The following HDAC9 variants were observed in gnomAD, a reference collection of about 807,000 sequenced individuals.
The protein encoded by HDAC9 is histone deacetylase 9, also known as MEF-2 interacting transcription repressor (MITR) protein.
A neutral mutation model predicts 139.4 loss-of-function variants in HDAC9; 41 were observed. The ratio of observed to expected loss-of-function variants is 0.29; its 90% CI spans 0.23 to 0.38. The LOEUF (loss-of-function observed/expected upper bound fraction) is 0.38, where lower values mean the gene tolerates loss of function less well. HDAC9 is among the 10% of genes least tolerant of loss of function. The probability of loss-of-function intolerance (pLI) is 1.00; values close to 1 mark genes in which losing one functional copy is unlikely to be tolerated. For missense variants in HDAC9, 1,147 were observed against 1,297.0 expected (o/e 0.88, Z 1.78); for synonymous variants, 517 against 476.2 (o/e 1.09, Z -1.12).
intron 2 of HDAC9, among the ~76,000 whole-genome samples, chr7:18,193,552 G>A (rs1790509621): frequency 6.6e-6 from 1 of 152,104 alleles, no homozygotes; most frequent in East Asian, 1.9e-4. Flanking sequence ...ATGCTACTTG[G>A]AAATCTGTTA....
At chr7:18,624,456 G>GCA (rs1366636687) in intron 6 of HDAC9, among the ~76,000 whole-genome samples, 2 of 152,140 alleles carry the variant, frequency 1.3e-5, no homozygotes, top group Non-Finnish European at 2.9e-5. Context: ...ATTCAGATGA[G>GCA]CACACACACT....
chr7:18,222,224 A>G (rs924993558), intron 2 of HDAC9, among the ~76,000 whole-genome samples: 1 of 152,192 alleles, frequency 6.6e-6, no homozygotes, highest in Non-Finnish European at 1.5e-5. Flanking sequence ...ACTAATGGAA[A>G]TGTTACTTGC....
At chr7:18,979,839 T>C (rs765300572) in intron 25 of HDAC9, among the ~76,000 whole-genome samples, 1 of 152,132 alleles carries the variant, frequency 6.6e-6, no homozygotes, top group Non-Finnish European at 1.5e-5. Flanking sequence ...AGCTTACTTA[T>C]CACCATGGAG....
intron 25 of HDAC9, among the ~76,000 whole-genome samples, chr7:18,978,562 C>T (rs775872224): frequency 1.3e-5 from 2 of 151,658 alleles, no homozygotes; most frequent in Non-Finnish European, 2.9e-5. Context: ...AAGACTTGAT[C>T]AAAAAAATGA....
intron 1 of HDAC9, among the ~76,000 whole-genome samples, chr7:18,385,534 G>T (rs1478570291): frequency 6.6e-6 from 1 of 152,096 alleles, no homozygotes; most frequent in Non-Finnish European, 1.5e-5. Context: ...CTGTGGTAGG[G>T]TCTTTCCCTT....
intron 2 of HDAC9, among the ~76,000 whole-genome samples, chr7:18,169,999 G>T (rs1194873251): frequency 6.6e-6 from 1 of 152,156 alleles, no homozygotes; most frequent in Non-Finnish European, 1.5e-5. Context: ...TGGGTCAAAT[G>T]GTACTTCTAG....
intron 12 of HDAC9, among the ~76,000 whole-genome samples, chr7:18,694,392 A>G (rs762768587): frequency 2.6e-5 from 4 of 152,166 alleles, no homozygotes; most frequent in Non-Finnish European, 2.9e-5. Flanking sequence ...TCAAGGAGCT[A>G]TCTCATTTTC....
intron 1 of HDAC9, among the ~76,000 whole-genome samples, chr7:18,437,890 T>C (rs1193943879): frequency 6.6e-6 from 1 of 151,344 alleles, no homozygotes. Context: ...GATCCCTTTT[T>C]CTGAACATTT....
At chr7:18,769,218 C>T (rs1562928273) in intron 16 of HDAC9, among the ~76,000 whole-genome samples, 1 of 152,136 alleles carries the variant, frequency 6.6e-6, no homozygotes, top group Non-Finnish European at 1.5e-5. Flanking sequence ...CCCTTCAATG[C>T]GAAGTTCCTC....
At chr7:18,512,465 G>A (rs1014105090) in intron 2 of HDAC9, among the ~76,000 whole-genome samples, 2 of 152,098 alleles carry the variant, frequency 1.3e-5, no homozygotes, top group Non-Finnish European at 2.9e-5. Context: ...TTGTTGAAGG[G>A]CATATAAGAA....
At chr7:18,887,130 G>A (rs1800226513) in intron 22 of HDAC9, among the ~76,000 whole-genome samples, 2 of 152,008 alleles carry the variant, frequency 1.3e-5, no homozygotes, top group Admixed American at 1.3e-4. Context: ...CCCTCTATAG[G>A]AAGTTCTCCT....
At chr7:18,588,365 TTGGATTTTTTTTTC>T (rs1351051925) in intron 3 of HDAC9, among the ~76,000 whole-genome samples, 1 of 152,176 alleles carries the variant, frequency 6.6e-6, no homozygotes, top group African/African-American at 2.4e-5. Flanking sequence ...ATATCAGATT[TTGGATTTTTTTTTC>T]TGGATTTTGG....
chr7:18,324,830 G>T (rs753973453), intron 1 of HDAC9, among the ~76,000 whole-genome samples: 5 of 152,124 alleles, frequency 3.3e-5, no homozygotes, highest in African/African-American at 7.2e-5. Flanking sequence ...TAATTATAAT[G>T]CAGGGTATAA....
rs192467434 is a variant in HDAC9, at chr7:18,592,336, A to G, written c.542+694A>G. On this transcript the variant is annotated intron_variant, in intron 5 of 25. Coordinates refer to ENST00000686413, the MANE Select transcript of HDAC9 (RefSeq NM_178425.4). ...AATACACTGTGGTATTGTGGTTTTT[A>G]TAGAACTGTATTTCTGTAAGTCCAA... Among the ~76,000 whole-genome samples, 4 of 152,222 alleles carry G rather than the reference A, an allele frequency of 2.6e-5. No homozygotes were observed. In the East Asian group the frequency reaches 7.7e-4, roughly 29 times the overall value.
At chr7:18,978,948 G>GTT (rs912502662) in intron 25 of HDAC9, among the ~76,000 whole-genome samples, 2 of 149,580 alleles carry the variant, frequency 1.3e-5, no homozygotes, top group Non-Finnish European at 3.0e-5. Context: ...GTGTGTGTGT[G>GTT]TTTTTTTTTT....
chr7:18,474,014 T>C lies in HDAC9; in HGVS notation c.-41-22248T>C, dbSNP rs995374401. Among the ~76,000 whole-genome samples, 3 of 152,210 alleles carry C rather than the reference T, an allele frequency of 2.0e-5. No individual in the cohort carries two copies. The East Asian group carries it at 5.8e-4, about 29-fold the overall frequency. On this transcript the variant is annotated intron_variant, in intron 1 of 3. Transcript: ENST00000413509. ...AGCCCTTGTACTTTTCAGCTTCTTA[T>C]CTATGTTCTTGGAAATCATCAAAGA...
At chr7:18,460,496 A>T (rs113909047) in intron 1 of HDAC9, among the ~76,000 whole-genome samples, 20 of 152,216 alleles carry the variant, frequency 1.3e-4, no homozygotes, top group African/African-American at 4.6e-4. Flanking sequence ...AGAGTAGATT[A>T]TCCTGGGGCC....
intron 22 of HDAC9, among the ~76,000 whole-genome samples, chr7:18,926,223 A>G (rs891330968): frequency 3.9e-5 from 6 of 152,022 alleles, no homozygotes; most frequent in African/African-American, 1.4e-4. Flanking sequence ...TGGTAGTGGG[A>G]TGTAATCCAA....
At chr7:18,519,233 T>A (rs1804206312) in intron 2 of HDAC9, among the ~76,000 whole-genome samples, 1 of 152,218 alleles carries the variant, frequency 6.6e-6, no homozygotes, top group African/African-American at 2.4e-5. Context: ...TAGGTCAGTG[T>A]AATCCTATCT....
Sources: gnomAD v4.1 joint callset for allele counts (sites outside exome capture counted in the v4.1 genomes callset) on GRCh38, gnomAD v4.1.1 for gene constraint, MANE v1.5 for transcripts, NCBI Gene and HGNC (gene_info 2026-07-23, HGNC 2026-07-21) for gene names.